The following ZNF569 variants were observed in gnomAD, a reference collection of about 807,000 sequenced individuals.
ZNF569 encodes the protein DNA-binding protein.
In ZNF569, 38 loss-of-function variants were observed where a neutral mutation model predicts 56.3. The observed-to-expected ratio is 0.68, with a 90% confidence interval of 0.52 to 0.88. The LOEUF (loss-of-function observed/expected upper bound fraction) is 0.88, where lower values mean the gene tolerates loss of function less well. ZNF569 is among the 40% of genes least tolerant of loss of function. ZNF569 has a pLI of 0.00. For synonymous variants in ZNF569, 241 were observed against 262.9 expected (o/e 0.92, Z 0.81); for missense variants, 666 against 809.2 (o/e 0.82, Z 2.15).
Position 37,426,187 on chromosome 19 carries a change from A to G in ZNF569, c.142+65T>C, listed in dbSNP as rs540151557. 1.4e-5 allele frequency: 21 copies of G among 1,531,830 alleles called. No homozygotes were observed. The East Asian group carries it at 4.7e-4, about 35-fold the overall frequency. 94.9% of individuals were successfully genotyped at this position (1,531,830 alleles called of 1,614,324 possible). On this transcript the variant is annotated intron_variant, in intron 4 of 5. Transcript: ENST00000316950. ...TTTAAAAGGTCCATGTATTTCAGAA[A>G]CACTGGGAGGAAAAAAAAGGTACTT... is the stretch of plus-strand genomic sequence containing the variant.
At chr19:37,449,958 T>A (rs552729255) in intron 2 of ZNF569, among the ~76,000 whole-genome samples, 3 of 152,322 alleles carry the variant, frequency 2.0e-5, no homozygotes, top group African/African-American at 7.2e-5. Flanking sequence ...CTTCCCCCAC[T>A]TTTCTCCTTT....
At chr19:37,466,124 C>T (rs1208767206) in intron 1 of ZNF569, among the ~76,000 whole-genome samples, 1 of 152,056 alleles carries the variant, frequency 6.6e-6, no homozygotes, top group Non-Finnish European at 1.5e-5. Flanking sequence ...TAAATTTTGA[C>T]AGTAGTTGCA....
intron 1 of ZNF569, among the ~76,000 whole-genome samples, chr19:37,465,789 TC>T (rs1431040676): frequency 1.3e-5 from 2 of 151,996 alleles, no homozygotes; most frequent in African/African-American, 4.8e-5. Context: ...AGGAGTCTGC[TC>T]CCCCTCCAAA....
intron 2 of ZNF569, among the ~76,000 whole-genome samples, chr19:37,454,085 T>C (rs748282103): frequency 6.6e-6 from 1 of 152,058 alleles, no homozygotes; most frequent in Non-Finnish European, 1.5e-5. Context: ...GTCTATTCAA[T>C]AGCTGGACAG....
At chr19:37,468,134 G>C (rs1388759211), upstream of ZNF569, 4 of 610,560 alleles carry the variant, frequency 6.6e-6, no homozygotes, top group Non-Finnish European at 1.1e-5. Context: ...GCCCAGGCTG[G>C]AGAGTGCAGC....
chr19:37,428,038 C>T (rs2041164057), intron 3 of ZNF569, among the ~76,000 whole-genome samples: 1 of 152,062 alleles, frequency 6.6e-6, no homozygotes, highest in South Asian at 2.1e-4. Flanking sequence ...AAAATCAGCA[C>T]CAAAGATTTT....
Position 37,413,640 on chromosome 19 carries a change from A to T in ZNF569, c.1018T>A (p.Ser340Thr). The T allele has an allele frequency of 6.2e-7, 1 of 1,613,750 alleles. No individual in the cohort carries two copies. Among genetic ancestry groups the T allele is most frequent in the Non-Finnish European group, 8.5e-7 (1 of 1,179,912 alleles). ...ECGKAFPRIA[S>T]LALHMRSHTG... ...TGACTTCTCATATGAAGAGCAAGGG[A>T]TGCAATTCGAGGGAAGGCTTTACCA... Residue 340 changes from serine to threonine, a missense_variant, in exon 6 of 6, where the codon TCC (serine) becomes ACC (threonine). By Grantham distance (58) the Ser-to-Thr change is moderately conservative. Coordinates refer to ENST00000316950, the MANE Select transcript of ZNF569 (RefSeq NM_152484.3).
intron 3 of ZNF569, chr19:37,431,711 A>T (rs2041227689): frequency 6.6e-6 from 1 of 152,296 alleles, no homozygotes; most frequent in Non-Finnish European, 1.5e-5. Context: ...AATGGGGTAC[A>T]GCACCAAGTG....
At position 37,412,410 on chromosome 19, in the gene ZNF569, G is replaced by C. The variant is rs1470238358; in HGVS notation, c.*187C>G. On this transcript the variant is annotated 3_prime_UTR_variant, in exon 6 of 6. Transcript: ENST00000316950. The stretch of plus-strand genomic sequence containing the variant: ...AATAAGATGTCTGCTGAAAGTTTCT[G>C]GTAACAGCTTTTTCATTATATAATT... 1 of 1,048,036 alleles carries C rather than the reference G, an allele frequency of 9.5e-7. No individual in the cohort carries two copies. Among genetic ancestry groups the C allele is most frequent in the Admixed American group, 3.8e-5 (1 of 26,442 alleles). 64.9% of individuals were successfully genotyped at this position (1,048,036 alleles called of 1,614,324 possible). A position where few individuals can be genotyped will look rare whatever the true frequency, so the allele number is the denominator to read the frequency against.
Position 37,414,403 on chromosome 19 carries a change from A to G in ZNF569, c.255T>C (p.Val85=), listed in dbSNP as rs1194249018. 5 of 1,586,048 alleles carry G rather than the reference A, an allele frequency of 3.2e-6. No homozygotes were observed. The highest frequency in any genetic ancestry group is 4.3e-6 in the Non-Finnish European group (5 of 1,169,506). ...TGTCCTGGTTTTTCTGATGCTCATC[A>G]ACTCCCCATATTTCTCCTAAAACAG... ...RRHWQGEIWG[V]DEHQKNQDRL... is the part of the protein sequence containing the mutation. Residue 85 remains valine (V), a synonymous_variant, in exon 6 of 6, where the codon GTT becomes GTC. Coordinates refer to ENST00000316950, the MANE Select transcript of ZNF569 (RefSeq NM_152484.3).
chr19:37,456,393 T>C (rs1056473987), intron 2 of ZNF569, among the ~76,000 whole-genome samples: 5 of 152,202 alleles, frequency 3.3e-5, no homozygotes, highest in African/African-American at 1.2e-4. Flanking sequence ...TTCCTAAGAA[T>C]AGGATGATCT....
In ZNF569 at chr19:37,419,385, A is replaced by G. The variant is rs144163529; in HGVS notation, c.239-4966T>C. Among the ~76,000 whole-genome samples, 3 of 152,334 alleles carry G rather than the reference A, an allele frequency of 2.0e-5. No individual in the cohort carries two copies. In the East Asian group the frequency reaches 5.8e-4, roughly 29 times the overall value. On this transcript the variant is annotated intron_variant, in intron 5 of 5. Transcript: ENST00000316950. The stretch of plus-strand genomic sequence containing the variant: ...TGTGGGTTCAGTTCCACACCACCAC[A>G]ATAAAGCATGTCACACAACATTTTT...
chr19:37,422,004 C>A, intron 5 of ZNF569, among the ~76,000 whole-genome samples: 1 of 152,114 alleles, frequency 6.6e-6, no homozygotes, highest in East Asian at 1.9e-4. Flanking sequence ...CCGGCCTCAG[C>A]CTGCCAAAGT....
At chr19:37,444,178 C>T (rs549274471) in intron 3 of ZNF569, among the ~76,000 whole-genome samples, 73 of 152,152 alleles carry the variant, frequency 4.8e-4, no homozygotes, top group African/African-American at 1.6e-3. Flanking sequence ...ACATTTTCAC[C>T]CCTCCAGATT....
chr19:37,464,063 TTAGTG>T lies in ZNF569; in HGVS notation c.-44+1245_-44+1249del, dbSNP rs567262883. 3.8e-3 allele frequency among the ~76,000 whole-genome samples: 579 copies of T among 152,298 alleles called. 6 individuals carry two copies. The highest frequency in any genetic ancestry group is 0.013 in the African/African-American group (556 of 41,556). On this transcript the variant is annotated intron_variant, in intron 2 of 5. Coordinates refer to ENST00000316950, the MANE Select transcript of ZNF569 (RefSeq NM_152484.3). Reference sequence around the variant, plus strand: ...AAAAAAGAAAAATGTTTTTATAAATTTAGTGTAGCCTAAGTGTACGGTGTTTATAG... The same window carrying T: ...AAAAAAGAAAAATGTTTTTATAAATTTAGCCTAAGTGTACGGTGTTTATAG...
rs869051048 is a variant in ZNF569 at position 37,432,904 on chromosome 19, C to CTT, written c.16-6528_16-6527dup. On this transcript the variant is annotated intron_variant, in intron 3 of 5. Coordinates refer to ENST00000316950, the MANE Select transcript of ZNF569 (RefSeq NM_152484.3). The stretch of plus-strand genomic sequence containing the variant: ...CGGACAAACTAAAGAATGCATCAGT[C>CTT]TTTTTTTTTTTTTTTTTTTTTGAGA... 9.8e-3 allele frequency among the ~76,000 whole-genome samples: 1,202 copies of CTT among 122,452 alleles called. 34 individuals carry two copies. The highest frequency in any genetic ancestry group is 0.033 in the African/African-American group (1,059 of 32,556). 80.3% of individuals were successfully genotyped at this position (122,452 alleles called of 152,430 possible). A position where few individuals can be genotyped will look rare whatever the true frequency, so the allele number is the denominator to read the frequency against.
chr19:37,445,412 TGGTAAGA>T (rs1168568543), intron 2 of ZNF569, among the ~76,000 whole-genome samples: 1 of 152,158 alleles, frequency 6.6e-6, no homozygotes, highest in Non-Finnish European at 1.5e-5. Flanking sequence ...GAGGTACTGA[TGGTAAGA>T]GAGTTAAATC....
chr19:37,428,730 T>G (rs2041177173), intron 3 of ZNF569, among the ~76,000 whole-genome samples: 2 of 151,242 alleles, frequency 1.3e-5, no homozygotes, highest in African/African-American at 2.4e-5. Context: ...TGGAGTGCAG[T>G]GTGGCGTGAT....
intron 5 of ZNF569, among the ~76,000 whole-genome samples, chr19:37,418,843 T>A (rs916298455): frequency 1.3e-5 from 2 of 152,138 alleles, no homozygotes. Context: ...GAACCTAAAC[T>A]GGCTCAAACA....
Sources: gnomAD v4.1 joint callset for allele counts (sites outside exome capture counted in the v4.1 genomes callset) on GRCh38, gnomAD v4.1.1 for gene constraint, MANE v1.5 for transcripts, NCBI Gene and HGNC (gene_info 2026-07-23, HGNC 2026-07-21) for gene names.